The following FBXO34 variants were observed in gnomAD, a reference collection of about 807,000 sequenced individuals.
The protein encoded by FBXO34 is F-box only protein 34.
FBXO34 carries 12 observed loss-of-function variants against 24.5 expected under a neutral mutation model. That is an observed-to-expected ratio of 0.49 (90% CI 0.31 to 0.79). The LOEUF (loss-of-function observed/expected upper bound fraction) is 0.79. Among genes scored for constraint, FBXO34 ranks in the 30% least tolerant of loss-of-function variants. The pLI is 0.04. For synonymous variants in FBXO34, 320 were observed against 311.9 expected, an observed-to-expected ratio of 1.03 and a Z score of -0.27; for missense variants, 823 against 857.7, an observed-to-expected ratio of 0.96 and a Z score of 0.51.
intron 1 of FBXO34, among the ~76,000 whole-genome samples, chr14:55,337,001 A>C (rs1883807276): frequency 7.1e-6 from 1 of 141,092 alleles, no homozygotes; most frequent in South Asian, 2.2e-4. Flanking sequence ...TTTTTGAGAC[A>C]GTCTCACTCT....
chr14:55,287,289 C>T (rs187016428), intron 1 of FBXO34, among the ~76,000 whole-genome samples: 1 of 152,304 alleles, frequency 6.6e-6, no homozygotes, highest in East Asian at 1.9e-4. Context: ...AGTTTGTGTA[C>T]ATTGAAGTGT....
At chr14:55,430,398 TAAAAAAAA>T in the FBXO34 span, among the ~76,000 whole-genome samples, 3 of 119,828 alleles carry the variant, frequency 2.5e-5, no homozygotes, top group East Asian at 2.6e-4. Flanking sequence ...TCACCCACTT[TAAAAAAAA>T]AAAAAAAAAA....
intron 1 of FBXO34, among the ~76,000 whole-genome samples, chr14:55,289,508 A>T (rs1307515123): frequency 6.6e-6 from 1 of 152,070 alleles, no homozygotes; most frequent in Non-Finnish European, 1.5e-5. Flanking sequence ...CCGGTATACG[A>T]TTCTTTCTTT....
chr14:55,315,879 A>G (rs1206460985), intron 1 of FBXO34, among the ~76,000 whole-genome samples: 3 of 152,132 alleles, frequency 2.0e-5, no homozygotes, highest in Admixed American at 6.5e-5. Context: ...AACCCCTGCA[A>G]TCTGGCAACT....
intron 1 of FBXO34, among the ~76,000 whole-genome samples, chr14:55,342,395 T>C (rs532524451): frequency 6.6e-6 from 1 of 152,236 alleles, no homozygotes; most frequent in East Asian, 1.9e-4. Context: ...TAAGGCAAAA[T>C]TAAGAAGTTA....
chr14:55,408,328 G>A, the FBXO34 span, among the ~76,000 whole-genome samples: 2 of 152,082 alleles, frequency 1.3e-5, no homozygotes, highest in African/African-American at 4.8e-5. Flanking sequence ...GTTGATGTGC[G>A]CCTGTAGTCC....
intron 1 of FBXO34, among the ~76,000 whole-genome samples, chr14:55,284,988 T>C (rs1009499625): frequency 1.3e-5 from 2 of 149,586 alleles, no homozygotes; most frequent in Non-Finnish European, 3.0e-5. Context: ...TGCTTTTAAT[T>C]GTCCTATTTT....
At chr14:55,298,818 C>T (rs1417756339) in intron 1 of FBXO34, 8 of 1,611,872 alleles carry the variant, frequency 5.0e-6, no homozygotes, top group Admixed American at 3.3e-5. Flanking sequence ...GGCACTGAAG[C>T]GTAAGAAGAG....
intron 1 of FBXO34, among the ~76,000 whole-genome samples, chr14:55,324,602 G>A (rs899540315): frequency 6.6e-6 from 1 of 151,930 alleles, no homozygotes; most frequent in Non-Finnish European, 1.5e-5. Flanking sequence ...TAGTTTGCAA[G>A]TAATGATAGA....
intron 1 of FBXO34, chr14:55,326,085 T>C (rs1883333477): frequency 6.6e-6 from 1 of 152,168 alleles, no homozygotes. Flanking sequence ...CTATTCAAGG[T>C]GTTTCTAAAC....
chr14:55,299,166 G>A (rs1021270167), intron 1 of FBXO34: 10 of 1,065,426 alleles, frequency 9.4e-6, no homozygotes, highest in Non-Finnish European at 1.3e-5. Flanking sequence ...CAGTGGCCCC[G>A]AAACAGTCCC....
intron 1 of FBXO34, among the ~76,000 whole-genome samples, chr14:55,320,583 C>T (rs1014017169): frequency 1.3e-5 from 2 of 152,106 alleles, no homozygotes; most frequent in African/African-American, 4.8e-5. Context: ...AACCCCGTCT[C>T]TACTAAAAAT....
chr14:55,424,020 T>C, the FBXO34 span: 1 of 604,008 alleles, frequency 1.7e-6, no homozygotes, highest in Non-Finnish European at 2.9e-6. Flanking sequence ...GTGATGTTAT[T>C]CCTTTCTTAT....
At chr14:55,397,495 T>C in the FBXO34 span, 2 of 1,302,688 alleles carry the variant, frequency 1.5e-6, no homozygotes, top group African/African-American at 1.4e-5. Context: ...AATGAGACTA[T>C]GCAAATTCCC....
chr14:55,350,948 C>T lies in FBXO34; in HGVS notation c.558C>T (p.His186=). The T allele has an allele frequency of 1.2e-6, 2 of 1,614,072 alleles. No individual in the cohort carries two copies. Among genetic ancestry groups the T allele is most frequent in the Non-Finnish European group, 1.7e-6 (2 of 1,179,970 alleles). ...QPEPFACGIE[H]CSVHYVSDSG... Reference sequence around the variant, plus strand: ...AGCCTTTTGCATGTGGCATTGAGCACTGTTCTGTGCACTATGTGAGTGACA... The same window carrying T: ...AGCCTTTTGCATGTGGCATTGAGCATTGTTCTGTGCACTATGTGAGTGACA... The change falls in exon 2 of 2, where the codon CAC becomes CAT. Residue 186 remains histidine (H), a synonymous_variant. Coordinates refer to ENST00000313833, the MANE Select transcript of FBXO34 (RefSeq NM_017943.4).
chr14:55,328,099 G>A (rs1883411815), intron 1 of FBXO34, among the ~76,000 whole-genome samples: 1 of 151,326 alleles, frequency 6.6e-6, no homozygotes, highest in African/African-American at 2.4e-5. Flanking sequence ...TGGGATTACA[G>A]GTGTGTCCCA....
At chr14:55,298,665 A>G in intron 1 of FBXO34, 1 of 1,532,064 alleles carries the variant, frequency 6.5e-7, no homozygotes, top group South Asian at 1.2e-5. Context: ...TGGAGGGGGT[A>G]AGGCCGGCAA....
the FBXO34 span, among the ~76,000 whole-genome samples, chr14:55,375,825 C>T: frequency 3.9e-5 from 6 of 152,162 alleles, no homozygotes; most frequent in Non-Finnish European, 7.3e-5. Context: ...TAGTAGGCAT[C>T]CTTGATTGTT....
At chr14:55,372,144 C>T (rs1012505947), downstream of FBXO34, among the ~76,000 whole-genome samples, 3 of 152,130 alleles carry the variant, frequency 2.0e-5, no homozygotes, top group Non-Finnish European at 4.4e-5. Context: ...ATATCTGAAC[C>T]AGTCTCAAAA....
Sources: gnomAD v4.1 joint callset for allele counts (sites outside exome capture counted in the v4.1 genomes callset) on GRCh38, gnomAD v4.1.1 for gene constraint, MANE v1.5 for transcripts, NCBI Gene and HGNC (gene_info 2026-07-23, HGNC 2026-07-21) for gene names.